PNPLA1: variants seen among roughly 807,000 people sequenced by gnomAD.
PNPLA1 encodes omega-hydroxyceramide transacylase.
A neutral mutation model predicts 51.7 loss-of-function variants in PNPLA1; 36 were observed. That is an observed-to-expected ratio of 0.70 (90% CI 0.53 to 0.92). The LOEUF is 0.92. PNPLA1 is among the 40% of genes least tolerant of loss of function. PNPLA1 has a pLI of 0.00. For synonymous variants in PNPLA1, 293 were observed against 280.1 expected (o/e 1.05, Z -0.46); for missense variants, 658 against 682.5 (o/e 0.96, Z 0.40).
intron 1 of PNPLA1, among the ~76,000 whole-genome samples, chr6:36,285,129 T>C (rs1345744469): frequency 1.3e-5 from 2 of 152,158 alleles, no homozygotes; most frequent in East Asian, 3.9e-4. Context: ...ATTCAAGATA[T>C]ACCCACAGGA....
intron 5 of PNPLA1, among the ~76,000 whole-genome samples, chr6:36,300,796 T>C (rs895848864): frequency 2.6e-5 from 4 of 152,220 alleles, no homozygotes; most frequent in Non-Finnish European, 5.9e-5. Flanking sequence ...ACAGCTCATA[T>C]TTAAGGAGTG....
intron 1 of PNPLA1, among the ~76,000 whole-genome samples, chr6:36,281,878 G>T (rs138971157): frequency 6.7e-4 from 102 of 151,678 alleles, no homozygotes; most frequent in African/African-American, 2.4e-3. Context: ...AAAATTAGCC[G>T]GGCATGGTGG....
chr6:36,246,723 C>G (rs1769294590), intron 1 of PNPLA1, among the ~76,000 whole-genome samples: 1 of 152,120 alleles, frequency 6.6e-6, no homozygotes, highest in South Asian at 2.1e-4. Flanking sequence ...CGTCCTTTTG[C>G]CACGGCTTTG....
intron 1 of PNPLA1, among the ~76,000 whole-genome samples, chr6:36,276,190 C>G (rs754324090): frequency 2.6e-5 from 4 of 152,090 alleles, no homozygotes; most frequent in Non-Finnish European, 5.9e-5. Flanking sequence ...AACTCCTCAC[C>G]TTAAGCAATC....
chr6:36,244,839 T>C (rs1356471314), intron 1 of PNPLA1, among the ~76,000 whole-genome samples: 1 of 152,148 alleles, frequency 6.6e-6, no homozygotes, highest in African/African-American at 2.4e-5. Flanking sequence ...AGCACTGACA[T>C]TGGGATTTGC....
chr6:36,296,891 G>T, intron 5 of PNPLA1, among the ~76,000 whole-genome samples: 1 of 152,174 alleles, frequency 6.6e-6, no homozygotes, highest in Admixed American at 6.5e-5. Flanking sequence ...CTAACTGTGT[G>T]ATATTGAGCA....
At chr6:36,273,312 C>T (rs910377816) in intron 1 of PNPLA1, among the ~76,000 whole-genome samples, 19 of 151,758 alleles carry the variant, frequency 1.3e-4, no homozygotes, top group African/African-American at 4.6e-4. Flanking sequence ...TCCATTTGCC[C>T]GGCTGCCCCT....
At chr6:36,248,945 A>T (rs1037911776) in intron 1 of PNPLA1, among the ~76,000 whole-genome samples, 6 of 152,212 alleles carry the variant, frequency 3.9e-5, no homozygotes, top group Non-Finnish European at 8.8e-5. Context: ...TGCTGGCTGC[A>T]TATCTGCCCT....
At chr6:36,285,388 C>T (rs1425079996) in intron 1 of PNPLA1, among the ~76,000 whole-genome samples, 1 of 152,224 alleles carries the variant, frequency 6.6e-6, no homozygotes, top group Non-Finnish European at 1.5e-5. Flanking sequence ...CCCGCAGTCC[C>T]ATCCTCTGTG....
Position 36,302,107 on chromosome 6 carries a change from C to T in PNPLA1, c.1022C>T (p.Ser341Leu). ...PVQTLEFTCE[S>L]PVSAPVSPLE... ...CAGACACTTGAATTCACATGCGAGT[C>T]ACCTGTTTCAGCACCAGTCTCTCCA... Residue 341 changes from serine to leucine, a missense_variant, in exon 6 of 9, where the codon TCA becomes TTA. Coordinates refer to ENST00000636260, the MANE Select transcript of PNPLA1 (RefSeq NM_001374623.1). The T allele has an allele frequency of 6.2e-7, 1 of 1,614,230 alleles. No homozygotes were observed. The highest frequency in any genetic ancestry group is 8.5e-7 in the Non-Finnish European group (1 of 1,180,040).
At chr6:36,281,988 C>T (rs1033150108) in intron 1 of PNPLA1, among the ~76,000 whole-genome samples, 2 of 147,514 alleles carry the variant, frequency 1.4e-5, no homozygotes, top group African/African-American at 5.0e-5. Context: ...GCACCATTGC[C>T]CTCCAGCCTG....
chr6:36,247,445 T>C (rs1265466853), intron 1 of PNPLA1, among the ~76,000 whole-genome samples: 1 of 152,152 alleles, frequency 6.6e-6, no homozygotes, highest in East Asian at 1.9e-4. Flanking sequence ...TACCTCTGAC[T>C]CCCTCCACCA....
intron 1 of PNPLA1, among the ~76,000 whole-genome samples, chr6:36,254,282 T>C (rs1197801787): frequency 6.6e-6 from 1 of 152,134 alleles, no homozygotes; most frequent in Non-Finnish European, 1.5e-5. Flanking sequence ...TTGATTAGAT[T>C]GGGCCATCCT....
intron 1 of PNPLA1, among the ~76,000 whole-genome samples, chr6:36,248,946 T>C (rs972392983): frequency 6.6e-6 from 1 of 152,198 alleles, no homozygotes; most frequent in Non-Finnish European, 1.5e-5. Context: ...GCTGGCTGCA[T>C]ATCTGCCCTA....
At chr6:36,304,248 C>G (rs892682658) in intron 6 of PNPLA1, among the ~76,000 whole-genome samples, 1 of 152,082 alleles carries the variant, frequency 6.6e-6, no homozygotes, top group Non-Finnish European at 1.5e-5. Flanking sequence ...CGTCACAGAT[C>G]GGCAATGTCT....
chr6:36,265,289 C>T (rs759270483), upstream of PNPLA1, among the ~76,000 whole-genome samples: 2 of 151,864 alleles, frequency 1.3e-5, no homozygotes, highest in Non-Finnish European at 1.5e-5. Flanking sequence ...TGCAATGAGC[C>T]GAGATAGTGC....
rs201638655 is a variant in PNPLA1 at position 36,248,524 on chromosome 6, AT to A, written c.-81+5278del. Among the ~76,000 whole-genome samples the A allele has an allele frequency of 8.7e-3, 1,236 of 141,594 alleles. 4 individuals carry two copies. Among genetic ancestry groups the A allele is most frequent in the Admixed American group, 0.019 (275 of 14,170 alleles). 92.9% of individuals were successfully genotyped at this position (141,594 alleles called of 152,430 possible). A position where few individuals can be genotyped will look rare whatever the true frequency, so the allele number is the denominator to read the frequency against. On this transcript the variant is annotated intron_variant, in intron 1 of 7. Transcript: ENST00000312917. ...AAATGCCACACCAAAATAACTTCTCATTTTTTTTTTTTTTTGAGACGGAGTC... is the reference window on the plus strand; with the variant it reads ...AAATGCCACACCAAAATAACTTCTCATTTTTTTTTTTTTTGAGACGGAGTC...
At chr6:36,281,459 G>A (rs900681305) in intron 1 of PNPLA1, among the ~76,000 whole-genome samples, 1 of 152,176 alleles carries the variant, frequency 6.6e-6, no homozygotes, top group South Asian at 2.1e-4. Flanking sequence ...CGTGCTAAGT[G>A]CTTCATATGC....
At chr6:36,283,499 A>G (rs1754281906) in intron 1 of PNPLA1, among the ~76,000 whole-genome samples, 3 of 152,186 alleles carry the variant, frequency 2.0e-5, no homozygotes, top group African/African-American at 7.2e-5. Context: ...ATCACCACGT[A>G]AGGAAGAATC....
Sources: gnomAD v4.1 joint callset for allele counts (sites outside exome capture counted in the v4.1 genomes callset) on GRCh38, gnomAD v4.1.1 for gene constraint, MANE v1.5 for transcripts, NCBI Gene and HGNC (gene_info 2026-07-23, HGNC 2026-07-21) for gene names.